Variants in NEBL observed in about 807,000 individuals in gnomAD.
The protein encoded by NEBL is nebulette.
Under a neutral mutation model 140.2 loss-of-function variants are expected in NEBL, and 122 were observed. The observed-to-expected ratio is 0.87, with a 90% CI of 0.75 to 1.01. The LOEUF (loss-of-function observed/expected upper bound fraction) is 1.01. Among genes scored for constraint, NEBL ranks in the 50% least tolerant of loss-of-function variants. The probability of loss-of-function intolerance (pLI) is 0.00; values close to 1 mark genes in which losing one functional copy is unlikely to be tolerated. For synonymous variants in NEBL, 436 were observed against 398.9 expected (o/e 1.09, Z -1.11); for missense variants, 1,365 against 1,231.3 (o/e 1.11, Z -1.62).
In NEBL at chr10:20,866,559, T is replaced by C. The variant is rs75098478; in HGVS notation, c.684+2105A>G. Among the ~76,000 whole-genome samples, 375 of 152,318 alleles carry C rather than the reference T, an allele frequency of 2.5e-3. 13 individuals carry two copies. The East Asian group carries it at 0.055, about 22-fold the overall frequency. ...TTATACGTGCACAACTATATCCTCTTGCCCAGAGGCTCTGCCATCAGATTT... is the reference window on the plus strand; with the variant it reads ...TTATACGTGCACAACTATATCCTCTCGCCCAGAGGCTCTGCCATCAGATTT... On this transcript the variant is annotated intron_variant, in intron 7 of 27. Coordinates refer to ENST00000377122, the MANE Select transcript of NEBL (RefSeq NM_006393.3).
intron 1 of NEBL, among the ~76,000 whole-genome samples, chr10:21,262,958 G>C (rs1346785724): frequency 1.3e-5 from 2 of 152,192 alleles, no homozygotes; most frequent in Non-Finnish European, 2.9e-5. Context: ...TTCAGCATCA[G>C]GGGACAGAAA....
At chr10:21,172,171 A>C (rs1841101734) in intron 2 of NEBL, 1 of 581,564 alleles carries the variant, frequency 1.7e-6, no homozygotes, top group African/African-American at 1.9e-5. Context: ...ACCTGATTGA[A>C]GATGCATAGA....
At position 21,212,115 on chromosome 10, in the gene NEBL, A is replaced by G. The variant is rs1841926917; in HGVS notation, n.348+35806T>C. Reference sequence around the variant, plus strand: ...ATACATATAATATATACTATGTTAGATACAGTATATATACAGTATTATCGC... The same window carrying G: ...ATACATATAATATATACTATGTTAGGTACAGTATATATACAGTATTATCGC... On this transcript the variant is annotated intron_variant and non_coding_transcript_variant, in intron 3 of 8. Coordinates refer to the NEBL transcript ENST00000675702. Among the ~76,000 whole-genome samples the G allele has an allele frequency of 3.3e-5, 5 of 151,818 alleles. No homozygotes were observed. In the South Asian group the frequency reaches 1.0e-3, roughly 32 times the overall value.
chr10:20,905,957 C>T (rs889897138), intron 4 of NEBL, among the ~76,000 whole-genome samples: 1 of 152,186 alleles, frequency 6.6e-6, no homozygotes, highest in African/African-American at 2.4e-5. Flanking sequence ...AGCAGCACTA[C>T]CACAGCTTCT....
At chr10:20,813,385 T>C (rs1424054989) in intron 23 of NEBL, among the ~76,000 whole-genome samples, 1 of 150,208 alleles carries the variant, frequency 6.7e-6, no homozygotes, top group East Asian at 1.9e-4. Flanking sequence ...TAGGTAACAA[T>C]ATATACCACT....
intron 2 of NEBL, chr10:21,126,179 GA>G (rs547945606): frequency 2.3e-5 from 35 of 1,517,170 alleles, no homozygotes; most frequent in South Asian, 1.1e-4. Context: ...CCATAGAAAG[GA>G]AAAAAAATAC....
intron 3 of NEBL, among the ~76,000 whole-genome samples, chr10:21,217,294 G>C (rs1045069346): frequency 5.9e-5 from 9 of 152,206 alleles, no homozygotes; most frequent in African/African-American, 2.2e-4. Context: ...GCCAGAGACA[G>C]AGAAAGCAAA....
At chr10:21,254,985 G>A (rs1842636926) in intron 1 of NEBL, among the ~76,000 whole-genome samples, 1 of 152,162 alleles carries the variant, frequency 6.6e-6, no homozygotes. Context: ...AGTGTGTGTT[G>A]GGGTAACAAC....
chr10:20,842,902 A>G (rs1157237379), intron 12 of NEBL, among the ~76,000 whole-genome samples: 4 of 151,946 alleles, frequency 2.6e-5, no homozygotes, highest in African/African-American at 7.3e-5. Context: ...CCACCATTCT[A>G]CTTTCTGCTT....
chr10:20,793,552 CTTTTCT>C (rs1836211544), intron 26 of NEBL, among the ~76,000 whole-genome samples: 1 of 149,312 alleles, frequency 6.7e-6, no homozygotes, highest in African/African-American at 2.5e-5. Context: ...TTCTTTCTTT[CTTTTCT>C]TTTTTTTTTT....
intron 3 of NEBL, among the ~76,000 whole-genome samples, chr10:20,975,270 G>C (rs1374569680): frequency 1.3e-5 from 2 of 152,204 alleles, no homozygotes; most frequent in African/African-American, 4.8e-5. Context: ...GTGGGAAAGA[G>C]GGGCCAGTTT....
At chr10:21,231,688 C>T (rs1441458897) in intron 3 of NEBL, among the ~76,000 whole-genome samples, 2 of 152,102 alleles carry the variant, frequency 1.3e-5, no homozygotes, top group African/African-American at 2.4e-5. Flanking sequence ...AGAGAACGTT[C>T]CTGAAAGCCA....
intron 2 of NEBL, among the ~76,000 whole-genome samples, chr10:21,135,753 C>T (rs1839327510): frequency 6.6e-6 from 1 of 152,086 alleles, no homozygotes; most frequent in South Asian, 2.1e-4. Context: ...ACTCACCATC[C>T]CAGTGGGTCT....
At chr10:21,016,401 T>C (rs940167235) in intron 3 of NEBL, among the ~76,000 whole-genome samples, 3 of 152,108 alleles carry the variant, frequency 2.0e-5, no homozygotes, top group African/African-American at 4.8e-5. Context: ...AGCATTTAGA[T>C]GTAAAATATT....
intron 2 of NEBL, among the ~76,000 whole-genome samples, chr10:21,065,021 G>A (rs1835472827): frequency 6.6e-6 from 1 of 152,118 alleles, no homozygotes; most frequent in Admixed American, 6.6e-5. Context: ...TTTAATATAA[G>A]TAGTTCTCCA....
rs918320939 is a variant in NEBL, at chr10:20,782,998, C to T, written c.*2749G>A. The T allele has an allele frequency of 2.0e-5, 3 of 152,590 alleles. No individual in the cohort carries two copies. The highest frequency in any genetic ancestry group is 4.8e-5 in the African/African-American group (2 of 41,440). 9.5% of individuals were successfully genotyped at this position (152,590 alleles called of 1,614,324 possible). On this transcript the variant is annotated 3_prime_UTR_variant, in exon 28 of 28. Transcript: ENST00000377122. ...CTTGTGCTTCTGTCAGGCTTGAGAA[C>T]ACATCAAACTTTAGAAAGTCAGGTG...
intron 2 of NEBL, among the ~76,000 whole-genome samples, chr10:21,036,883 C>A (rs1834036941): frequency 6.6e-6 from 1 of 152,144 alleles, no homozygotes; most frequent in Non-Finnish European, 1.5e-5. Flanking sequence ...AGCAACACTA[C>A]TCAAGCGTAG....
chr10:20,964,907 C>T (rs937332185), intron 3 of NEBL, among the ~76,000 whole-genome samples: 2 of 152,210 alleles, frequency 1.3e-5, no homozygotes, highest in Non-Finnish European at 2.9e-5. Flanking sequence ...CTTCCTTTTA[C>T]AATCAAAAGA....
At chr10:20,977,044 C>T (rs1252054898) in intron 3 of NEBL, among the ~76,000 whole-genome samples, 4 of 151,936 alleles carry the variant, frequency 2.6e-5, no homozygotes, top group Non-Finnish European at 2.9e-5. Flanking sequence ...ATTAATAAAC[C>T]TTGTCTTTTA....
Sources: allele counts gnomAD v4.1 joint callset (sites outside exome capture counted in the v4.1 genomes callset), GRCh38; gene constraint gnomAD v4.1.1; transcripts MANE v1.5; gene names NCBI Gene and HGNC (gene_info 2026-07-23, HGNC 2026-07-21).